RUNDC3B: variants seen among roughly 807,000 people sequenced by gnomAD.
RUNDC3B encodes the protein RUN domain containing 3B.
RUNDC3B carries 33 observed loss-of-function variants against 58.4 expected under a neutral mutation model. The ratio of observed to expected loss-of-function variants is 0.56; its 90% CI spans 0.43 to 0.75. RUNDC3B has a LOEUF of 0.75. RUNDC3B is among the 30% of genes least tolerant of loss of function. The pLI is 0.00. For synonymous variants in RUNDC3B, 193 were observed against 195.2 expected (o/e 0.99, Z 0.10); for missense variants, 501 against 535.7 (o/e 0.94, Z 0.64).
intron 1 of RUNDC3B, among the ~76,000 whole-genome samples, chr7:87,650,358 G>A (rs772426397): frequency 3.9e-5 from 6 of 152,016 alleles, no homozygotes; most frequent in Non-Finnish European, 7.4e-5. Flanking sequence ...GGCTGGGAAG[G>A]CTGAGATCGG....
At chr7:87,817,606 G>A (rs1403745045) in intron 10 of RUNDC3B, among the ~76,000 whole-genome samples, 1 of 152,088 alleles carries the variant, frequency 6.6e-6, no homozygotes, top group Non-Finnish European at 1.5e-5. Flanking sequence ...TCTTTCTTAA[G>A]GCCTTTGCGT....
intron 4 of RUNDC3B, among the ~76,000 whole-genome samples, chr7:87,737,795 T>C (rs528462997): frequency 6.6e-6 from 1 of 152,230 alleles, no homozygotes; most frequent in Non-Finnish European, 1.5e-5. Context: ...TTATTGATTT[T>C]ACATATAGCA....
chr7:87,680,682 T>C, intron 2 of RUNDC3B, among the ~76,000 whole-genome samples: 1 of 149,860 alleles, frequency 6.7e-6, no homozygotes, highest in Admixed American at 6.7e-5. Flanking sequence ...TAATCCCAGC[T>C]ACTTAGGAGG....
At chr7:87,749,854 T>C (rs911082877) in intron 6 of RUNDC3B, among the ~76,000 whole-genome samples, 25 of 146,560 alleles carry the variant, frequency 1.7e-4, no homozygotes, top group Non-Finnish European at 3.1e-4. Context: ...TACAGTATTT[T>C]CTTTCTTTTT....
rs74904878 is a variant in RUNDC3B at position 87,679,473 on chromosome 7, C to A, written c.239-20948C>A. ...GCACAATCATGGCTCACCACAGCCTCCACATCCCCAAGCTCAAATGATTCT... is the reference window on the plus strand; with the variant it reads ...GCACAATCATGGCTCACCACAGCCTACACATCCCCAAGCTCAAATGATTCT... On this transcript the variant is annotated intron_variant, in intron 2 of 10. Coordinates refer to ENST00000394654, the MANE Select transcript of RUNDC3B (RefSeq NM_001134405.2). Among the ~76,000 whole-genome samples, 1,228 of 149,946 alleles carry A rather than the reference C, an allele frequency of 8.2e-3. 90 individuals are homozygous for A. Among genetic ancestry groups the A allele is most frequent in the African/African-American group, 0.029 (1,164 of 40,272 alleles).
At chr7:87,822,354 G>A (rs1837516365) in intron 10 of RUNDC3B, among the ~76,000 whole-genome samples, 1 of 152,204 alleles carries the variant, frequency 6.6e-6, no homozygotes, top group Admixed American at 6.5e-5. Context: ...TCTCACACCA[G>A]TTAGAATGGC....
At chr7:87,686,518 T>C (rs1447884740) in intron 2 of RUNDC3B, among the ~76,000 whole-genome samples, 2 of 152,116 alleles carry the variant, frequency 1.3e-5, no homozygotes, top group East Asian at 1.9e-4. Context: ...GTAGGCCACA[T>C]AGATTAAGAA....
At chr7:87,675,676 A>G (rs1473223600) in intron 2 of RUNDC3B, among the ~76,000 whole-genome samples, 2 of 150,538 alleles carry the variant, frequency 1.3e-5, no homozygotes, top group East Asian at 1.9e-4. Context: ...AAAAAAAGGA[A>G]AAAGAAAGAA....
intron 1 of RUNDC3B, among the ~76,000 whole-genome samples, chr7:87,634,618 C>T (rs908113544): frequency 6.7e-6 from 1 of 149,406 alleles, no homozygotes; most frequent in African/African-American, 2.5e-5. Context: ...AAGAGTGAGA[C>T]TCTTGTCTCA....
At chr7:87,671,842 A>G (rs575522812) in intron 2 of RUNDC3B, among the ~76,000 whole-genome samples, 17 of 152,296 alleles carry the variant, frequency 1.1e-4, no homozygotes, top group Admixed American at 9.1e-4. Flanking sequence ...GCAAACAGCA[A>G]AGATGGTGCC....
At chr7:87,653,576 T>C (rs541035354) in intron 2 of RUNDC3B, among the ~76,000 whole-genome samples, 25 of 152,294 alleles carry the variant, frequency 1.6e-4, no homozygotes, top group Middle Eastern at 3.4e-3. Context: ...CATCAAGTTA[T>C]TGGACAGGTT....
At chr7:87,686,959 A>G (rs1241016025) in intron 2 of RUNDC3B, among the ~76,000 whole-genome samples, 1 of 151,892 alleles carries the variant, frequency 6.6e-6, no homozygotes, top group African/African-American at 2.4e-5. Flanking sequence ...AAGAAAAAAA[A>G]AAAAAAGAAA....
intron 6 of RUNDC3B, among the ~76,000 whole-genome samples, chr7:87,757,601 A>G (rs945987864): frequency 6.6e-6 from 1 of 152,176 alleles, no homozygotes; most frequent in Non-Finnish European, 1.5e-5. Flanking sequence ...CAAGCAATCT[A>G]TAGACCCAAT....
rs903395804 is a variant in RUNDC3B at position 87,741,640 on chromosome 7, A to G, written c.629+61A>G. 9 of 948,842 alleles carry G rather than the reference A, an allele frequency of 9.5e-6. 1 individual carries two copies. The Admixed American group carries it at 2.0e-4, about 22-fold the overall frequency. The allele number at this position is 948,842 out of a possible 1,614,324, so 58.8% of individuals were successfully genotyped here. On this transcript the variant is annotated intron_variant, in intron 6 of 10. Coordinates refer to ENST00000394654, the MANE Select transcript of RUNDC3B (RefSeq NM_001134405.2). ...TATTTAAAATTGAATGTCTTGTGCA[A>G]TGTTTGTCTGATCAAAACTACTTTG...
chr7:87,753,383 A>G (rs1052145965), intron 6 of RUNDC3B, among the ~76,000 whole-genome samples: 2 of 151,604 alleles, frequency 1.3e-5, no homozygotes, highest in South Asian at 2.1e-4. Flanking sequence ...GTAGATGTCT[A>G]TTAGGTCCAC....
At chr7:87,783,741 C>T (rs1394364348) in intron 8 of RUNDC3B, among the ~76,000 whole-genome samples, 1 of 152,114 alleles carries the variant, frequency 6.6e-6, no homozygotes, top group Non-Finnish European at 1.5e-5. Context: ...AAATATTATA[C>T]ATTTCCTTTT....
At chr7:87,726,785 C>T (rs1831257744) in intron 4 of RUNDC3B, among the ~76,000 whole-genome samples, 2 of 151,922 alleles carry the variant, frequency 1.3e-5, no homozygotes, top group Non-Finnish European at 2.9e-5. Flanking sequence ...TTGACCTCTC[C>T]TTGAAGAGGT....
intron 6 of RUNDC3B, among the ~76,000 whole-genome samples, chr7:87,746,867 G>A (rs936111017): frequency 2.0e-5 from 3 of 152,116 alleles, no homozygotes; most frequent in Admixed American, 2.0e-4. Context: ...TGTTGCCTGT[G>A]TACTTTGGTT....
chr7:87,786,460 C>A (rs1184392090), intron 8 of RUNDC3B, among the ~76,000 whole-genome samples: 1 of 151,362 alleles, frequency 6.6e-6, no homozygotes, highest in Non-Finnish European at 1.5e-5. Context: ...TCCTATGAGG[C>A]ATCACTGGGT....
Sources: gnomAD v4.1 joint callset for allele counts (sites outside exome capture counted in the v4.1 genomes callset) on GRCh38, gnomAD v4.1.1 for gene constraint, MANE v1.5 for transcripts, NCBI Gene and HGNC (gene_info 2026-07-23, HGNC 2026-07-21) for gene names.